The following SIRPG variants were observed in gnomAD, a reference collection of about 807,000 sequenced individuals.
The protein encoded by SIRPG is signal-regulatory protein gamma.
SIRPG carries 38 observed loss-of-function variants against 35.7 expected under a neutral mutation model. The observed-to-expected ratio is 1.06, with a 90% CI of 0.82 to 1.40. SIRPG has a LOEUF of 1.40. Among genes scored for constraint, SIRPG ranks in the 40% most tolerant of loss-of-function variants. The pLI is 0.00. For synonymous variants in SIRPG, 215 were observed against 190.4 expected (o/e 1.13, Z -1.06); for missense variants, 519 against 483.0 (o/e 1.07, Z -0.70).
At chr20:1,643,582 A>G (rs569130333) in intron 2 of SIRPG, among the ~76,000 whole-genome samples, 83 of 151,944 alleles carry the variant, frequency 5.5e-4, no homozygotes, top group Non-Finnish European at 9.0e-4. Context: ...CAATTCGTCC[A>G]TTTCCTCCTT....
chr20:1,685,778 G>A, the SIRPG span, among the ~76,000 whole-genome samples: 1 of 152,162 alleles, frequency 6.6e-6, no homozygotes, highest in East Asian at 1.9e-4. Context: ...GACAGTGGCT[G>A]AACATCCCCG....
In SIRPG at chr20:1,636,290, C is replaced by A. The variant is rs1263158236; in HGVS notation, c.646G>T (p.Asp216Tyr). Reference sequence around the variant, plus strand: ...ACCTGAGAGCGAACGTCCCAGGGGTCCAGTACCACCCTGGCTGTGCTGCGG... The same window carrying A: ...ACCTGAGAGCGAACGTCCCAGGGGTACAGTACCACCCTGGCTGTGCTGCGG... ...SIRSTARVVL[D>Y]PWDVRSQVIC... The change falls in exon 3 of 6, where the codon GAC becomes TAC. Residue 216 changes from aspartate (D) to tyrosine (Y), a missense_variant. By Grantham distance (160) the Asp-to-Tyr change is radical. Transcript: ENST00000303415. 1 of 1,614,116 alleles carries A rather than the reference C, an allele frequency of 6.2e-7. No homozygotes were observed. Among genetic ancestry groups the A allele is most frequent in the Non-Finnish European group, 8.5e-7 (1 of 1,180,052 alleles).
chr20:1,682,005 A>T, the SIRPG span, among the ~76,000 whole-genome samples: 1 of 152,202 alleles, frequency 6.6e-6, no homozygotes, highest in Non-Finnish European at 1.5e-5. Context: ...TATAGGCCGA[A>T]GTTTCTGCAA....
the SIRPG span, among the ~76,000 whole-genome samples, chr20:1,665,929 C>G: frequency 6.6e-6 from 1 of 151,988 alleles, no homozygotes; most frequent in Non-Finnish European, 1.5e-5. Context: ...GCCTCAGGCA[C>G]GTCCTTCAGG....
chr20:1,642,828 A>G (rs2091864498), intron 2 of SIRPG, among the ~76,000 whole-genome samples: 1 of 152,150 alleles, frequency 6.6e-6, no homozygotes, highest in Non-Finnish European at 1.5e-5. Context: ...TCACATATGA[A>G]GCTTAGTTTG....
chr20:1,642,627 A>G (rs1265199378), intron 2 of SIRPG, among the ~76,000 whole-genome samples: 2 of 152,120 alleles, frequency 1.3e-5, no homozygotes, highest in Non-Finnish European at 2.9e-5. Flanking sequence ...CTATCTGATT[A>G]TTTTGCACAC....
At position 1,654,368 on chromosome 20, in the gene SIRPG, A is replaced by G. The variant is rs570181970; in HGVS notation, c.73+3274T>C. Reference sequence around the variant, plus strand: ...GATATATAGACCAATGGATCAGAGCAGAGAGCCCAGCAATAAACTCACACA... The same window carrying G: ...GATATATAGACCAATGGATCAGAGCGGAGAGCCCAGCAATAAACTCACACA... On this transcript the variant is annotated intron_variant, in intron 1 of 5. Coordinates refer to ENST00000303415, the MANE Select transcript of SIRPG (RefSeq NM_018556.4). Among the ~76,000 whole-genome samples, 33 of 152,346 alleles carry G rather than the reference A, an allele frequency of 2.2e-4. No homozygotes were observed. The South Asian group carries it at 6.8e-3, about 32-fold the overall frequency.
At chr20:1,650,912 G>A (rs766583300) in intron 1 of SIRPG, among the ~76,000 whole-genome samples, 23 of 152,158 alleles carry the variant, frequency 1.5e-4, no homozygotes, top group Non-Finnish European at 2.6e-4. Flanking sequence ...ATTATCAGCT[G>A]AGCTCTTTAT....
At chr20:1,630,609 G>T (rs2091742383) in intron 4 of SIRPG, 2 of 307,726 alleles carry the variant, frequency 6.5e-6, no homozygotes, top group African/African-American at 2.2e-5. Context: ...ACAAGCCTAT[G>T]GGAGCAGGGA....
chr20:1,666,901 A>G, the SIRPG span, among the ~76,000 whole-genome samples: 2 of 152,090 alleles, frequency 1.3e-5, no homozygotes, highest in Non-Finnish European at 2.9e-5. Flanking sequence ...AATGTTTAGA[A>G]ATGTTTATTT....
rs915706144 is a variant in SIRPG, at chr20:1,629,643, G to A, written c.*3-7C>T. 2.0e-5 allele frequency: 3 copies of A among 152,608 alleles called. No individual in the cohort carries two copies. The highest frequency in any genetic ancestry group is 7.2e-5 in the African/African-American group (3 of 41,408). 9.5% of individuals were successfully genotyped at this position (152,608 alleles called of 1,614,324 possible). ...CAGGGGAGGAAGGAAGGAGCTGTAG[G>A]AAAACACATCCACACTTAGTCATCT... is the stretch of plus-strand genomic sequence containing the variant. On this transcript the variant is annotated splice_polypyrimidine_tract_variant and splice_region_variant and intron_variant, in intron 5 of 5. Transcript: ENST00000303415.
the SIRPG span, among the ~76,000 whole-genome samples, chr20:1,669,705 C>A: frequency 5.3e-5 from 8 of 152,228 alleles, no homozygotes; most frequent in Admixed American, 5.2e-4. Flanking sequence ...TCTCTTCCTC[C>A]TTTAATATAT....
At chr20:1,656,040 C>T (rs913808310) in intron 1 of SIRPG, among the ~76,000 whole-genome samples, 1 of 152,124 alleles carries the variant, frequency 6.6e-6, no homozygotes, top group South Asian at 2.1e-4. Context: ...ATTTAAAAAT[C>T]TCAGTAAAAT....
At chr20:1,655,031 G>T (rs141018534) in intron 1 of SIRPG, among the ~76,000 whole-genome samples, 1 of 152,196 alleles carries the variant, frequency 6.6e-6, no homozygotes, top group African/African-American at 2.4e-5. Flanking sequence ...AGGAAATTTA[G>T]TATTGGAGAA....
intron 5 of SIRPG, 36 bp downstream of exon 5, chr20:1,630,186 A>G: frequency 6.7e-7 from 1 of 1,491,516 alleles, no homozygotes. Context: ...CCCTTCTGAG[A>G]CAGCCCTTGG....
chr20:1,649,884 G>A (rs922988191), intron 1 of SIRPG, among the ~76,000 whole-genome samples: 1 of 149,902 alleles, frequency 6.7e-6, no homozygotes, highest in African/African-American at 2.4e-5. Context: ...ACTTGCCTCG[G>A]CTTTCCATAG....
chr20:1,645,267 A>G (rs1050244109), intron 2 of SIRPG, among the ~76,000 whole-genome samples: 2 of 152,114 alleles, frequency 1.3e-5, no homozygotes, highest in Non-Finnish European at 2.9e-5. Flanking sequence ...GCTGTTCTCA[A>G]AGCCCCAACC....
At chr20:1,635,196 T>TAC in intron 4 of SIRPG, 71 bp downstream of exon 4, 2 of 1,254,824 alleles carry the variant, frequency 1.6e-6, no homozygotes, top group Admixed American at 2.5e-5. Flanking sequence ...TAGCTTATTT[T>TAC]ACAGCAAGTG....
chr20:1,675,417 GC>G, the SIRPG span, among the ~76,000 whole-genome samples: 1 of 152,308 alleles, frequency 6.6e-6, no homozygotes, highest in East Asian at 1.9e-4. Context: ...TGTAAAGCCA[GC>G]CCCTCCTACC....
Sources: allele counts gnomAD v4.1 joint callset (sites outside exome capture counted in the v4.1 genomes callset), GRCh38; gene constraint gnomAD v4.1.1; transcripts MANE v1.5; gene names NCBI Gene and HGNC (gene_info 2026-07-23, HGNC 2026-07-21).